CCDC125: variants seen among roughly 807,000 people sequenced by gnomAD.
The protein encoded by CCDC125 is coiled-coil domain-containing protein 125.
CCDC125 carries 43 observed loss-of-function variants against 57.4 expected under a neutral mutation model. The observed-to-expected ratio is 0.75, with a 90% CI of 0.59 to 0.97. CCDC125 has a LOEUF of 0.97. CCDC125 is among the 50% of genes least tolerant of loss of function. CCDC125 has a pLI of 0.00. For synonymous variants in CCDC125, 187 were observed against 195.2 expected (o/e 0.96, Z 0.35); for missense variants, 563 against 595.7 (o/e 0.95, Z 0.57).
chr5:69,292,273 A>AT lies in CCDC125; in HGVS notation c.1013dup (p.Asn338LysfsTer2). The AT allele has an allele frequency of 1.9e-6, 3 of 1,613,592 alleles. No individual in the cohort carries two copies. Among genetic ancestry groups the AT allele is most frequent in the Non-Finnish European group, 2.5e-6 (3 of 1,179,788 alleles). The stretch of plus-strand genomic sequence containing the variant: ...TTTGTGTCAATTGTAGTGCCTGGTC[A>AT]TTTTTTCTCATTAATTGTTGCTCAA... On this transcript the variant is annotated frameshift_variant, in exon 10 of 12. Coordinates refer to ENST00000396496, the MANE Select transcript of CCDC125 (RefSeq NM_176816.5). LOFTEE classifies it high-confidence loss of function.
chr5:69,299,264 C>T (rs1356693708), intron 8 of CCDC125, among the ~76,000 whole-genome samples: 9 of 152,122 alleles, frequency 5.9e-5, no homozygotes, highest in South Asian at 2.1e-4. Context: ...CGCCCGCCAC[C>T]GCGCCTGGCT....
At chr5:69,320,804 T>C (rs1288965429) in intron 1 of CCDC125, among the ~76,000 whole-genome samples, 2 of 152,030 alleles carry the variant, frequency 1.3e-5, no homozygotes, top group Non-Finnish European at 2.9e-5. Context: ...TGTGTGTGTG[T>C]GTGTGCGTGT....
intron 10 of CCDC125, among the ~76,000 whole-genome samples, chr5:69,286,838 T>C (rs1202203350): frequency 2.0e-5 from 3 of 152,046 alleles, no homozygotes; most frequent in East Asian, 3.9e-4. Context: ...CCCTGACCCC[T>C]TCCACGAGGA....
At chr5:69,321,256 T>G (rs903560819) in intron 1 of CCDC125, among the ~76,000 whole-genome samples, 3 of 152,212 alleles carry the variant, frequency 2.0e-5, no homozygotes, top group Non-Finnish European at 4.4e-5. Flanking sequence ...CACATTGTAT[T>G]CATAAATCAT....
rs1757605794 is a variant in CCDC125 at position 69,308,003 on chromosome 5, T to A, written c.479A>T (p.His160Leu). Residue 160 changes from histidine to leucine, a missense_variant, in exon 5 of 12, where the codon CAT (histidine) becomes CTT (leucine). Physicochemically the swap from His to Leu is moderately conservative, Grantham distance 99. Coordinates refer to ENST00000396496, the MANE Select transcript of CCDC125 (RefSeq NM_176816.5). ...AGTTTTTTGAAGCACTGCCTGCGTA[T>A]GACTTGTGGCTTTGCCCAGTATTGC... is the stretch of plus-strand genomic sequence containing the variant. ...SMAILGKATSHTQAVLQKTME... is the reference protein window; with the variant it reads ...SMAILGKATSLTQAVLQKTME... The A allele has an allele frequency of 1.2e-6, 2 of 1,613,938 alleles. No homozygotes were observed. Among genetic ancestry groups the A allele is most frequent in the Non-Finnish European group, 1.7e-6 (2 of 1,179,924 alleles).
At chr5:69,308,263 T>C (rs1039301613) in intron 4 of CCDC125, 2 of 555,896 alleles carry the variant, frequency 3.6e-6, no homozygotes, top group Non-Finnish European at 6.4e-6. Flanking sequence ...AAAGAAAGTG[T>C]TCAGAACAGT....
chr5:69,317,442 G>T (rs1161093413), intron 2 of CCDC125, among the ~76,000 whole-genome samples: 1 of 152,190 alleles, frequency 6.6e-6, no homozygotes, highest in African/African-American at 2.4e-5. Flanking sequence ...CTGATTTCAA[G>T]AGGGATGTTG....
chr5:69,315,476 G>C (rs1758911775), intron 2 of CCDC125, among the ~76,000 whole-genome samples: 1 of 103,124 alleles, frequency 9.7e-6, no homozygotes, highest in Admixed American at 1.1e-4. Context: ...AAAAAAAAAG[G>C]CCAGGTGTGG....
intron 6 of CCDC125, among the ~76,000 whole-genome samples, chr5:69,305,215 G>GT (rs1035168339): frequency 6.6e-5 from 10 of 151,270 alleles, no homozygotes; most frequent in East Asian, 5.8e-4. Flanking sequence ...AGTCTTTCTG[G>GT]TTTTTTTTTC....
At chr5:69,294,245 AG>A (rs1272514942) in intron 9 of CCDC125, 1 of 482,734 alleles carries the variant, frequency 2.1e-6, no homozygotes, top group Non-Finnish European at 2.7e-6. Flanking sequence ...TATAAATTTT[AG>A]GAATATTAAT....
intron 8 of CCDC125, among the ~76,000 whole-genome samples, chr5:69,297,936 G>A (rs1449414717): frequency 6.6e-6 from 1 of 151,580 alleles, no homozygotes; most frequent in Non-Finnish European, 1.5e-5. Context: ...TTGTGCCACT[G>A]TACTCCAGCC....
chr5:69,277,488 G>C (rs1164865735), downstream of CCDC125: 1 of 167,766 alleles, frequency 6.0e-6, no homozygotes, highest in Non-Finnish European at 1.3e-5. Flanking sequence ...TAAAAATGTT[G>C]GCCGGGCGCG....
chr5:69,331,379 C>T (rs1036382813), intron 1 of CCDC125, among the ~76,000 whole-genome samples: 3 of 151,568 alleles, frequency 2.0e-5, no homozygotes, highest in Admixed American at 6.6e-5. Flanking sequence ...ATTACAGGCG[C>T]CCACCACCAT....
intron 4 of CCDC125, 48 bp downstream of exon 4, chr5:69,311,070 T>G: frequency 3.2e-6 from 4 of 1,247,400 alleles, no homozygotes; most frequent in Non-Finnish European, 4.6e-6. Context: ...CATACCAACA[T>G]TATTATTGGA....
At chr5:69,274,370 C>T in the CCDC125 span, among the ~76,000 whole-genome samples, 2 of 152,152 alleles carry the variant, frequency 1.3e-5, no homozygotes, top group Non-Finnish European at 2.9e-5. Flanking sequence ...TGCATCGGCT[C>T]ACACCTGTAA....
intron 10 of CCDC125, among the ~76,000 whole-genome samples, chr5:69,288,629 T>G (rs1486237206): frequency 6.6e-6 from 1 of 152,064 alleles, no homozygotes; most frequent in Non-Finnish European, 1.5e-5. Flanking sequence ...TTTCCCGGAG[T>G]TCTGTGAGGC....
chr5:69,289,440 A>G (rs1332956285), intron 10 of CCDC125, among the ~76,000 whole-genome samples: 1 of 152,228 alleles, frequency 6.6e-6, no homozygotes, highest in African/African-American at 2.4e-5. Context: ...TACATGGACC[A>G]TGTTAGCTTT....
intron 6 of CCDC125, among the ~76,000 whole-genome samples, chr5:69,305,409 C>T (rs543889315): frequency 3.9e-5 from 6 of 152,098 alleles, no homozygotes; most frequent in Non-Finnish European, 5.9e-5. Flanking sequence ...GACAGGGTTT[C>T]GCCACATTAG....
chr5:69,314,402 T>C (rs1046044103), intron 2 of CCDC125, among the ~76,000 whole-genome samples: 3 of 151,356 alleles, frequency 2.0e-5, no homozygotes, highest in Non-Finnish European at 2.9e-5. Context: ...GACATGGAGG[T>C]TGCAGTGAGC....
Sources: gnomAD v4.1 joint callset for allele counts (sites outside exome capture counted in the v4.1 genomes callset) on GRCh38, gnomAD v4.1.1 for gene constraint, MANE v1.5 for transcripts, NCBI Gene and HGNC (gene_info 2026-07-23, HGNC 2026-07-21) for gene names.